The following CNTNAP2 variants were observed in gnomAD, a reference collection of about 807,000 sequenced individuals.
CNTNAP2 encodes contactin-associated protein-like 2.
CNTNAP2 carries 98 observed loss-of-function variants against 155.2 expected under a neutral mutation model. The observed-to-expected ratio is 0.63, with a 90% CI of 0.54 to 0.75. CNTNAP2 has a LOEUF of 0.75. Ranked by LOEUF, CNTNAP2 falls within the 30% of genes least tolerant of loss-of-function variation. The pLI, the probability that CNTNAP2 is intolerant of heterozygous loss-of-function variation, is 0.00. For missense variants in CNTNAP2, 1,727 were observed against 1,688.1 expected (o/e 1.02, Z -0.40); for synonymous variants, 651 against 631.2 (o/e 1.03, Z -0.47).
At chr7:147,840,393 G>C (rs1798709240) in intron 13 of CNTNAP2, among the ~76,000 whole-genome samples, 1 of 152,186 alleles carries the variant, frequency 6.6e-6, no homozygotes, top group African/African-American at 2.4e-5. Context: ...CTTCTTCCCA[G>C]TTAAGAACCA....
Position 147,931,722 on chromosome 7 carries a change from G to A in CNTNAP2, c.2255+28001G>A, listed in dbSNP as rs551048297. Among the ~76,000 whole-genome samples the A allele has an allele frequency of 5.9e-4, 90 of 152,062 alleles. 1 individual carries two copies. Among genetic ancestry groups the A allele is most frequent in the African/African-American group, 2.1e-3 (89 of 41,498 alleles). On this transcript the variant is annotated intron_variant, in intron 14 of 23. Coordinates refer to ENST00000361727, the MANE Select transcript of CNTNAP2 (RefSeq NM_014141.6). The stretch of plus-strand genomic sequence containing the variant: ...TGTATGCTGAAAACTATGAAACATT[G>A]ATGAAAAAAATTAAAGATGAAAATA...
chr7:146,745,778 AAAAG>A lies in CNTNAP2; in HGVS notation c.98-28491_98-28488del, dbSNP rs201397074. ...AGACTCCATCTGAAAAAAAAAAAAAAAAAGAGGTCTGTTAAGGGTAACATTTGCC... is the reference window on the plus strand; with the variant it reads ...AGACTCCATCTGAAAAAAAAAAAAAAAGGTCTGTTAAGGGTAACATTTGCC... On this transcript the variant is annotated intron_variant, in intron 1 of 23. Transcript: ENST00000361727. Among the ~76,000 whole-genome samples, 799 of 150,144 alleles carry A rather than the reference AAAAG, an allele frequency of 5.3e-3. 5 individuals carry two copies. The highest frequency in any genetic ancestry group is 0.018 in the African/African-American group (738 of 41,292).
chr7:148,224,742 C>T (rs893005219), intron 19 of CNTNAP2, among the ~76,000 whole-genome samples: 2 of 152,174 alleles, frequency 1.3e-5, no homozygotes, highest in Non-Finnish European at 2.9e-5. Context: ...TTCATTGACT[C>T]GCAGTTCCGC....
At chr7:146,912,707 GA>G (rs1177854823) in intron 3 of CNTNAP2, among the ~76,000 whole-genome samples, 1 of 152,004 alleles carries the variant, frequency 6.6e-6, no homozygotes, top group Non-Finnish European at 1.5e-5. Flanking sequence ...AATTTTCTTA[GA>G]TGTCAAACAT....
At chr7:148,293,137 A>G (rs1217225856) in intron 21 of CNTNAP2, among the ~76,000 whole-genome samples, 8 of 152,244 alleles carry the variant, frequency 5.3e-5, no homozygotes, top group African/African-American at 1.9e-4. Context: ...AAATTGTTCT[A>G]ATGCTTTCTT....
chr7:148,343,490 G>A (rs1563051116), intron 21 of CNTNAP2, among the ~76,000 whole-genome samples: 1 of 152,026 alleles, frequency 6.6e-6, no homozygotes, highest in Non-Finnish European at 1.5e-5. Flanking sequence ...TCTTCGATTT[G>A]AATATTTTCT....
Position 148,219,951 on chromosome 7 carries a change from A to C in CNTNAP2, c.3247+2427A>C, listed in dbSNP as rs142073942. On this transcript the variant is annotated intron_variant, in intron 19 of 23. Transcript: ENST00000361727. ...AACTTAATTCAGCTTGAGTTTTAAA[A>C]AAACAGTAAATTAAACTCCCTCTCT... Among the ~76,000 whole-genome samples, 579 of 152,364 alleles carry C rather than the reference A, an allele frequency of 3.8e-3. 7 individuals are homozygous for C. Among genetic ancestry groups the C allele is most frequent in the African/African-American group, 0.013 (555 of 41,588 alleles).
intron 1 of CNTNAP2, among the ~76,000 whole-genome samples, chr7:146,570,349 T>G (rs1161960759): frequency 6.6e-6 from 1 of 152,150 alleles, no homozygotes; most frequent in East Asian, 1.9e-4. Flanking sequence ...TGTTTTGATA[T>G]TTTGGTCCCA....
At chr7:148,142,449 G>A (rs190283850) in intron 16 of CNTNAP2, among the ~76,000 whole-genome samples, 2 of 152,094 alleles carry the variant, frequency 1.3e-5, no homozygotes. Flanking sequence ...ATAGAGTGAG[G>A]CTGAAATATC....
At chr7:146,927,592 T>C (rs926024165) in intron 3 of CNTNAP2, among the ~76,000 whole-genome samples, 1 of 152,110 alleles carries the variant, frequency 6.6e-6, no homozygotes, top group African/African-American at 2.4e-5. Flanking sequence ...ATATACAATA[T>C]TACTCCTGGA....
intron 17 of CNTNAP2, among the ~76,000 whole-genome samples, chr7:148,150,820 T>A (rs1805283074): frequency 6.6e-6 from 1 of 152,112 alleles, no homozygotes; most frequent in Non-Finnish European, 1.5e-5. Context: ...CGTGGCTTAC[T>A]GCAGCCTCAA....
At chr7:146,165,432 G>T (rs1383095731) in intron 1 of CNTNAP2, among the ~76,000 whole-genome samples, 2 of 152,150 alleles carry the variant, frequency 1.3e-5, no homozygotes, top group Non-Finnish European at 2.9e-5. Flanking sequence ...ATTATTGAAA[G>T]ACTCTTATGA....
At chr7:147,771,538 A>C (rs1002201845) in intron 13 of CNTNAP2, among the ~76,000 whole-genome samples, 1 of 152,202 alleles carries the variant, frequency 6.6e-6, no homozygotes, top group Non-Finnish European at 1.5e-5. Flanking sequence ...TTGTTAGGCC[A>C]GTGGATTTGC....
intron 1 of CNTNAP2, among the ~76,000 whole-genome samples, chr7:146,392,073 A>G (rs569512862): frequency 3.9e-5 from 6 of 152,306 alleles, no homozygotes; most frequent in South Asian, 4.1e-4. Context: ...ATGTATTTAC[A>G]TGATAATGGT....
At chr7:146,459,218 G>T (rs1259531372) in intron 1 of CNTNAP2, among the ~76,000 whole-genome samples, 4 of 152,214 alleles carry the variant, frequency 2.6e-5, no homozygotes, top group African/African-American at 9.6e-5. Flanking sequence ...ATTAAAATTT[G>T]TCCCATGGAT....
intron 4 of CNTNAP2, among the ~76,000 whole-genome samples, chr7:147,058,015 C>T (rs1799595438): frequency 6.6e-6 from 1 of 152,088 alleles, no homozygotes; most frequent in Non-Finnish European, 1.5e-5. Context: ...ATTCTCATAT[C>T]GTTTGTCTGT....
intron 1 of CNTNAP2, among the ~76,000 whole-genome samples, chr7:146,416,817 T>G (rs1795944458): frequency 6.6e-6 from 1 of 152,112 alleles, no homozygotes; most frequent in South Asian, 2.1e-4. Flanking sequence ...CCACTTATAT[T>G]TGGTGTGAAT....
intron 10 of CNTNAP2, among the ~76,000 whole-genome samples, chr7:147,470,082 T>C (rs1475368842): frequency 1.3e-5 from 2 of 152,160 alleles, no homozygotes; most frequent in Admixed American, 6.5e-5. Context: ...TAGGGCTCCA[T>C]AGACCATTGT....
intron 10 of CNTNAP2, among the ~76,000 whole-genome samples, chr7:147,439,259 A>G (rs1312919654): frequency 3.3e-5 from 5 of 151,920 alleles, no homozygotes; most frequent in African/African-American, 9.7e-5. Flanking sequence ...TGCTTTTGTC[A>G]TATACCATAG....
Sources: allele counts gnomAD v4.1 joint callset (sites outside exome capture counted in the v4.1 genomes callset), GRCh38; gene constraint gnomAD v4.1.1; transcripts MANE v1.5; gene names NCBI Gene and HGNC (gene_info 2026-07-23, HGNC 2026-07-21).